MEI4: variants seen among roughly 807,000 people sequenced by gnomAD.
MEI4 encodes the protein meiosis-specific protein MEI4.
MEI4 carries 27 observed loss-of-function variants against 31.4 expected under a neutral mutation model. The observed-to-expected ratio is 0.86, with a 90% CI of 0.63 to 1.19. MEI4 has a LOEUF of 1.19. MEI4 is among the 50% of genes most tolerant of loss of function. The pLI is 0.00. For missense variants in MEI4, 329 were observed against 398.9 expected (o/e 0.82, Z 1.49); for synonymous variants, 122 against 145.4 (o/e 0.84, Z 1.16).
rs955522139 is a variant in MEI4, at chr6:77,923,994, G to A, written c.*648G>A. The A allele has an allele frequency of 6.6e-6, 1 of 151,516 alleles. No homozygotes were observed. The highest frequency in any genetic ancestry group is 3.9e-3 in the Middle Eastern group (1 of 258). The allele number at this position is 151,516 out of a possible 1,614,324, so 9.4% of individuals were successfully genotyped here. A position where few individuals can be genotyped will look rare whatever the true frequency, so the allele number is the denominator to read the frequency against. On this transcript the variant is annotated 3_prime_UTR_variant, in exon 5 of 5. Coordinates refer to ENST00000684080, the MANE Select transcript of MEI4 (RefSeq NM_001322247.2). ...GTTCTTTGTTTTTCAACAAATACTT[G>A]TTTCAATTCTGTTAATTAAATATGT...
In MEI4 at chr6:77,888,651, T is replaced by G. The variant is rs562859420; in HGVS notation, c.901-34438T>G. 2.6e-5 allele frequency among the ~76,000 whole-genome samples: 4 copies of G among 152,272 alleles called. No homozygotes were observed. In the East Asian group the frequency reaches 7.7e-4, roughly 29 times the overall value. On this transcript the variant is annotated intron_variant, in intron 4 of 4. Coordinates refer to ENST00000684080, the MANE Select transcript of MEI4 (RefSeq NM_001322247.2). ...GACTTTTTTTTCAATGCTTTGAATA[T>G]ATTATCCCATTCTCTTCTGGCCTTT...
At position 77,924,548 on chromosome 6, in the gene MEI4, G is replaced by A. The variant is rs1381530535; in HGVS notation, c.*1202G>A. The A allele has an allele frequency of 6.6e-6, 1 of 151,844 alleles. No homozygotes were observed. The highest frequency in any genetic ancestry group is 1.9e-4 in the East Asian group (1 of 5,156). The allele number at this position is 151,844 out of a possible 1,614,324, so 9.4% of individuals were successfully genotyped here. On this transcript the variant is annotated 3_prime_UTR_variant, in exon 5 of 5. Coordinates refer to ENST00000684080, the MANE Select transcript of MEI4 (RefSeq NM_001322247.2). Reference sequence around the variant, plus strand: ...ATATATGCAGGTCACTCAAGGATCAGCTGATTTGGACTGGACTTGACTTTA... The same window carrying A: ...ATATATGCAGGTCACTCAAGGATCAACTGATTTGGACTGGACTTGACTTTA...
chr6:77,780,102 G>T (rs1378439063), intron 3 of MEI4, among the ~76,000 whole-genome samples: 3 of 152,136 alleles, frequency 2.0e-5, no homozygotes, highest in Non-Finnish European at 2.9e-5. Context: ...GTTGGAGTCC[G>T]GTCTGAGGGG....
At chr6:77,914,108 A>T (rs1766491405) in intron 4 of MEI4, among the ~76,000 whole-genome samples, 1 of 146,918 alleles carries the variant, frequency 6.8e-6, no homozygotes, top group Admixed American at 6.8e-5. Context: ...GTTCTGCTTG[A>T]TCTTTATTAG....
chr6:77,752,740 G>T (rs1026871414), intron 2 of MEI4, among the ~76,000 whole-genome samples: 6 of 152,124 alleles, frequency 3.9e-5, no homozygotes. Flanking sequence ...TTTCTTCACA[G>T]AATTGGAAAA....
chr6:77,798,696 T>C (rs1561993225), intron 3 of MEI4, among the ~76,000 whole-genome samples: 1 of 135,730 alleles, frequency 7.4e-6, no homozygotes. Context: ...CCTGTGTCCA[T>C]GTGTTCTCAT....
rs553088071 is a variant in MEI4 at position 77,862,928 on chromosome 6, G to C, written c.900+33866G>C. Among the ~76,000 whole-genome samples the C allele has an allele frequency of 3.3e-5, 5 of 152,320 alleles. No homozygotes were observed. In the South Asian group the frequency reaches 1.0e-3, roughly 32 times the overall value. On this transcript the variant is annotated intron_variant, in intron 4 of 4. Coordinates refer to ENST00000684080, the MANE Select transcript of MEI4 (RefSeq NM_001322247.2). ...CATTGGCTGTTCACCAATATCTGCTGTTCTGCAGCCTCCACTGCTGATACC... is the reference window on the plus strand; with the variant it reads ...CATTGGCTGTTCACCAATATCTGCTCTTCTGCAGCCTCCACTGCTGATACC...
chr6:77,907,014 G>T (rs1766311477), intron 4 of MEI4, among the ~76,000 whole-genome samples: 1 of 77,864 alleles, frequency 1.3e-5, no homozygotes, highest in East Asian at 5.1e-4. Context: ...TAGATGCTCA[G>T]ATAGATTCTA....
In MEI4 at chr6:77,800,593, GT is replaced by G. The variant is rs1231804283; in HGVS notation, c.769-28333del. Among the ~76,000 whole-genome samples the G allele has an allele frequency of 4.6e-5, 7 of 152,312 alleles. 1 individual carries two copies. Among genetic ancestry groups the G allele is most frequent in the Admixed American group, 4.6e-4 (7 of 15,290 alleles). ...CCAGTTTTCAAAGGGAATGCTTCCA[GT>G]TTTTGCCCATTCAGTATGATATTGG... On this transcript the variant is annotated intron_variant, in intron 3 of 4. Coordinates refer to ENST00000684080, the MANE Select transcript of MEI4 (RefSeq NM_001322247.2).
chr6:77,846,279 A>G lies in MEI4; in HGVS notation c.900+17217A>G, dbSNP rs1770484406. ...TTAATTCTTTTTTAATTCTGTCCTC[A>G]GTTCATCACATTCCATTTTGATTTC... On this transcript the variant is annotated intron_variant, in intron 4 of 4. Coordinates refer to ENST00000684080, the MANE Select transcript of MEI4 (RefSeq NM_001322247.2). 2.0e-5 allele frequency among the ~76,000 whole-genome samples: 3 copies of G among 151,834 alleles called. 1 individual carries two copies. The highest frequency in any genetic ancestry group is 2.9e-5 in the Non-Finnish European group (2 of 67,972).
chr6:77,884,120 A>AT (rs1771567179), intron 4 of MEI4, among the ~76,000 whole-genome samples: 1 of 151,902 alleles, frequency 6.6e-6, no homozygotes, highest in African/African-American at 2.4e-5. Flanking sequence ...GATGTTGCAT[A>AT]TTTTTCCTTA....
intron 1 of MEI4, among the ~76,000 whole-genome samples, chr6:77,666,595 A>AG (rs968866213): frequency 6.6e-6 from 1 of 152,200 alleles, no homozygotes. Context: ...GAGTAAACTG[A>AG]GGCACAGAGA....
intron 4 of MEI4, among the ~76,000 whole-genome samples, chr6:77,898,690 G>A (rs1167390062): frequency 6.6e-6 from 1 of 151,962 alleles, no homozygotes; most frequent in Non-Finnish European, 1.5e-5. Context: ...TTAATGAACT[G>A]TTACATTTTT....
intron 4 of MEI4, among the ~76,000 whole-genome samples, chr6:77,889,069 T>G (rs1179127601): frequency 1.3e-5 from 2 of 152,144 alleles, no homozygotes; most frequent in African/African-American, 2.4e-5. Flanking sequence ...AATTACTCAG[T>G]CTCAGGTATT....
intron 2 of MEI4, among the ~76,000 whole-genome samples, chr6:77,724,924 C>G: frequency 6.9e-6 from 1 of 145,208 alleles, no homozygotes; most frequent in East Asian, 2.0e-4. Context: ...TCATTACAAT[C>G]TATTATACCG....
chr6:77,656,046 C>T (rs186144175), intron 1 of MEI4, among the ~76,000 whole-genome samples: 87 of 152,110 alleles, frequency 5.7e-4, no homozygotes, highest in Non-Finnish European at 1.1e-3. Context: ...TTAATTCTTC[C>T]TTCTGATTTA....
intron 4 of MEI4, among the ~76,000 whole-genome samples, chr6:77,909,126 A>T (rs931806814): frequency 1.3e-5 from 2 of 152,156 alleles, no homozygotes; most frequent in African/African-American, 4.8e-5. Context: ...CAGCAAATGT[A>T]AAAGAACAGA....
chr6:77,715,154 CTT>C (rs1006263979), intron 2 of MEI4, among the ~76,000 whole-genome samples: 7 of 152,042 alleles, frequency 4.6e-5, no homozygotes, highest in African/African-American at 1.7e-4. Context: ...GGTTTATTCT[CTT>C]CTGGAAAAAA....
chr6:77,761,113 A>G lies in MEI4; in HGVS notation c.233-17A>G. ...TCAGCTGCATGAAGATAATCCTTCT[A>G]TTCCTTTATTTTTCAGGATACGTTT... On this transcript the variant is annotated splice_polypyrimidine_tract_variant and intron_variant, in intron 2 of 4. Transcript: ENST00000684080. 2 of 1,230,908 alleles carry G rather than the reference A, an allele frequency of 1.6e-6. No individual in the cohort carries two copies. Among genetic ancestry groups the G allele is most frequent in the Non-Finnish European group, 2.0e-6 (2 of 986,932 alleles). The allele number at this position is 1,230,908 out of a possible 1,614,324, so 76.2% of individuals were successfully genotyped here. A position where few individuals can be genotyped will look rare whatever the true frequency, so the allele number is the denominator to read the frequency against.
Sources: gnomAD v4.1 joint callset for allele counts (sites outside exome capture counted in the v4.1 genomes callset) on GRCh38, gnomAD v4.1.1 for gene constraint, MANE v1.5 for transcripts, NCBI Gene and HGNC (gene_info 2026-07-23, HGNC 2026-07-21) for gene names.